ARL15: variants seen among roughly 807,000 people sequenced by gnomAD.
ARL15 encodes the protein ADP-ribosylation factor-like protein 15.
Under a neutral mutation model 25.2 loss-of-function variants are expected in ARL15, and 19 were observed. The ratio of observed to expected loss-of-function variants is 0.75; its 90% CI spans 0.53 to 1.10. The LOEUF (loss-of-function observed/expected upper bound fraction) is 1.10, where lower values mean the gene tolerates loss of function less well. Ranked by LOEUF, ARL15 falls within the 50% of genes least tolerant of loss-of-function variation. The pLI is 0.00. For missense variants in ARL15, 220 were observed against 246.0 expected, an observed-to-expected ratio of 0.89 and a Z score of 0.71; for synonymous variants, 94 against 86.8, an observed-to-expected ratio of 1.08 and a Z score of -0.46.
intron 4 of ARL15, among the ~76,000 whole-genome samples, chr5:54,103,182 T>C (rs1041424961): frequency 2.0e-5 from 3 of 152,128 alleles, no homozygotes; most frequent in African/African-American, 7.2e-5. Flanking sequence ...TGTTGTCAAA[T>C]ATTTATATGT....
chr5:53,956,719 T>C (rs949340604), intron 4 of ARL15, among the ~76,000 whole-genome samples: 9 of 151,796 alleles, frequency 5.9e-5, no homozygotes, highest in African/African-American at 9.7e-5. Context: ...GGAGCTGACA[T>C]ATGAACAAAT....
chr5:53,911,819 A>G (rs1745473623), intron 4 of ARL15, among the ~76,000 whole-genome samples: 1 of 152,172 alleles, frequency 6.6e-6, no homozygotes, highest in Non-Finnish European at 1.5e-5. Context: ...ATCAAATCCA[A>G]CAACACTCTC....
intron 4 of ARL15, among the ~76,000 whole-genome samples, chr5:54,074,316 A>C (rs1214136978): frequency 3.3e-5 from 5 of 152,126 alleles, no homozygotes; most frequent in Non-Finnish European, 2.9e-5. Context: ...AATGCCTAAA[A>C]CCTACAATAC....
chr5:54,085,928 T>TC (rs1446282548), intron 4 of ARL15, among the ~76,000 whole-genome samples: 1 of 151,916 alleles, frequency 6.6e-6, no homozygotes, highest in Non-Finnish European at 1.5e-5. Flanking sequence ...CTTTTTTTTT[T>TC]TTTTAGATGG....
chr5:54,112,840 A>C (rs1318916842), intron 4 of ARL15, among the ~76,000 whole-genome samples: 1 of 152,230 alleles, frequency 6.6e-6, no homozygotes, highest in Non-Finnish European at 1.5e-5. Flanking sequence ...CGAGTAATGC[A>C]TGGAAATACT....
At chr5:54,000,164 AG>A (rs1010662990) in intron 4 of ARL15, among the ~76,000 whole-genome samples, 53 of 152,260 alleles carry the variant, frequency 3.5e-4, no homozygotes, top group African/African-American at 1.3e-3. Flanking sequence ...AGTTTTTTTA[AG>A]TTTGGAGGAG....
At chr5:54,110,018 A>C (rs1429885352) in intron 4 of ARL15, among the ~76,000 whole-genome samples, 2 of 151,990 alleles carry the variant, frequency 1.3e-5, no homozygotes, top group Non-Finnish European at 2.9e-5. Flanking sequence ...GGTAAGTTAA[A>C]CCCAGGTCAT....
intron 1 of ARL15, among the ~76,000 whole-genome samples, chr5:54,292,338 T>C (rs13181862): frequency 0.42 from 64,463 of 152,000 alleles, 17,605 homozygotes; most frequent in Non-Finnish European, 0.6. Flanking sequence ...TGGAGGTTGA[T>C]ATAAAAATCT....
intron 3 of ARL15, among the ~76,000 whole-genome samples, chr5:54,153,905 A>C (rs1754144881): frequency 6.6e-6 from 1 of 152,192 alleles, no homozygotes; most frequent in African/African-American, 2.4e-5. Context: ...TAAGTCATTA[A>C]ACTCACCGAT....
intron 4 of ARL15, among the ~76,000 whole-genome samples, chr5:54,101,254 T>C (rs1367664021): frequency 1.3e-5 from 2 of 152,046 alleles, no homozygotes; most frequent in Non-Finnish European, 2.9e-5. Flanking sequence ...TAACATATAT[T>C]TTTCAGTTCG....
Position 53,890,650 on chromosome 5 carries a change from C to T in ARL15, c.463-3937G>A, listed in dbSNP as rs114428499. Among the ~76,000 whole-genome samples the T allele has an allele frequency of 1.8e-3, 268 of 152,198 alleles. 2 individuals carry two copies. Among genetic ancestry groups the T allele is most frequent in the African/African-American group, 6.2e-3 (257 of 41,532 alleles). The stretch of plus-strand genomic sequence containing the variant: ...CATTTATTAGTAGCCATGTGTCCAC[C>T]CTAGAGATAGGAAAACAAAGCCACC... On this transcript the variant is annotated intron_variant, in intron 4 of 4. Coordinates refer to ENST00000504924, the MANE Select transcript of ARL15 (RefSeq NM_019087.3).
At chr5:54,280,094 C>T (rs1475495963) in intron 1 of ARL15, among the ~76,000 whole-genome samples, 1 of 152,236 alleles carries the variant, frequency 6.6e-6, no homozygotes, top group Admixed American at 6.5e-5. Context: ...ATCCATCCAG[C>T]CAAGACTTCT....
intron 1 of ARL15, among the ~76,000 whole-genome samples, chr5:54,257,239 G>A (rs950384755): frequency 2.0e-5 from 3 of 152,098 alleles, no homozygotes; most frequent in East Asian, 1.9e-4. Context: ...CACAAAAAAC[G>A]ACCAAGCTGA....
At chr5:54,099,387 G>A (rs1374906717) in intron 4 of ARL15, among the ~76,000 whole-genome samples, 1 of 151,718 alleles carries the variant, frequency 6.6e-6, no homozygotes, top group Non-Finnish European at 1.5e-5. Flanking sequence ...ATCGGCTAAT[G>A]ATTAAAAAAA....
intron 1 of ARL15, chr5:54,285,475 G>C (rs1463668096): frequency 7.9e-6 from 2 of 251,988 alleles, no homozygotes; most frequent in Non-Finnish European, 1.3e-5. Flanking sequence ...GGTATAATTT[G>C]AGTTCCATCA....
chr5:54,280,106 A>G (rs922514883), intron 1 of ARL15, among the ~76,000 whole-genome samples: 16 of 152,220 alleles, frequency 1.1e-4, no homozygotes, highest in Admixed American at 1.0e-3. Context: ...AAGACTTCTC[A>G]GGAATACATG....
intron 1 of ARL15, among the ~76,000 whole-genome samples, chr5:54,205,999 C>A (rs1755857157): frequency 6.6e-6 from 1 of 152,070 alleles, no homozygotes. Flanking sequence ...TTCTCCTCCA[C>A]CCCCAGAATC....
At chr5:53,905,413 AAT>A (rs1428297688) in intron 4 of ARL15, among the ~76,000 whole-genome samples, 7 of 152,090 alleles carry the variant, frequency 4.6e-5, no homozygotes, top group African/African-American at 1.7e-4. Flanking sequence ...TATTAAATAT[AAT>A]ATTAGTTAAA....
chr5:53,999,478 C>T (rs1561182885), intron 4 of ARL15, among the ~76,000 whole-genome samples: 1 of 151,878 alleles, frequency 6.6e-6, no homozygotes, highest in Non-Finnish European at 1.5e-5. Flanking sequence ...TAATCCCAGC[C>T]ACTTGGGAGG....
Sources: allele counts gnomAD v4.1 joint callset (sites outside exome capture counted in the v4.1 genomes callset), GRCh38; gene constraint gnomAD v4.1.1; transcripts MANE v1.5; gene names NCBI Gene and HGNC (gene_info 2026-07-23, HGNC 2026-07-21).